The following PCDHA1 variants were observed in gnomAD, a reference collection of about 807,000 sequenced individuals.
The protein encoded by PCDHA1 is protocadherin alpha 1.
A neutral mutation model predicts 61.3 loss-of-function variants in PCDHA1; 42 were observed. The observed-to-expected ratio is 0.69, with a 90% CI of 0.54 to 0.89. PCDHA1 has a LOEUF of 0.89. Among genes scored for constraint, PCDHA1 ranks in the 40% least tolerant of loss-of-function variants. The pLI is 0.00. For missense variants in PCDHA1, 1,256 were observed against 1,235.3 expected (o/e 1.02, Z -0.25); for synonymous variants, 610 against 553.8 (o/e 1.10, Z -1.43).
At chr5:140,826,195 T>A (rs1554130490) in intron 1 of PCDHA1, among the ~76,000 whole-genome samples, 1 of 152,214 alleles carries the variant, frequency 6.6e-6, no homozygotes, top group African/African-American at 2.4e-5. Context: ...AAGTTAACAA[T>A]GGTCACATTT....
chr5:140,857,392 C>T lies in PCDHA1; in HGVS notation c.2394+68708C>T, dbSNP rs142727326. ...TGTCTGTGGAGGTGGCCGACGTGAA[C>T]GACAACGCGCCTGCGTTCGCGCAGT... On this transcript the variant is annotated intron_variant, in intron 1 of 3. Coordinates refer to ENST00000504120, the MANE Select transcript of PCDHA1 (RefSeq NM_018900.4). 2.9e-5 allele frequency: 46 copies of T among 1,598,470 alleles called. 4 individuals are homozygous for T. Among genetic ancestry groups the T allele is most frequent in the Non-Finnish European group, 3.6e-5 (42 of 1,167,894 alleles).
intron 1 of PCDHA1, chr5:140,829,004 C>T (rs2150161840): frequency 4.3e-6 from 7 of 1,613,616 alleles, no homozygotes; most frequent in African/African-American, 4.0e-5. Flanking sequence ...AATAGTGATT[C>T]GGGGTAATTT....
intron 1 of PCDHA1, chr5:140,813,185 C>T (rs2126644563): frequency 6.6e-6 from 1 of 152,272 alleles, no homozygotes; most frequent in Middle Eastern, 3.4e-3. Context: ...AAGTCCTCTG[C>T]TTCCTTGCTG....
intron 1 of PCDHA1, among the ~76,000 whole-genome samples, chr5:140,794,634 T>C (rs1212800486): frequency 6.6e-6 from 1 of 152,230 alleles, no homozygotes; most frequent in Non-Finnish European, 1.5e-5. Context: ...ATGTTGTGTG[T>C]TTTTTAACCA....
intron 1 of PCDHA1, chr5:140,869,798 T>G: frequency 6.2e-7 from 1 of 1,612,730 alleles, no homozygotes; most frequent in Non-Finnish European, 8.5e-7. Context: ...TTAGTCCAAG[T>G]CTTGGATGTC....
At chr5:140,962,312 A>G (rs2095671896) in intron 1 of PCDHA1, among the ~76,000 whole-genome samples, 1 of 152,204 alleles carries the variant, frequency 6.6e-6, no homozygotes, top group African/African-American at 2.4e-5. Context: ...TTGTTAGGCC[A>G]TCTCAATTGA....
At chr5:140,808,805 G>A in intron 1 of PCDHA1, 2 of 1,612,690 alleles carry the variant, frequency 1.2e-6, no homozygotes, top group Non-Finnish European at 1.7e-6. Context: ...CGCTCGCGAT[G>A]CCGGCGTGCC....
intron 1 of PCDHA1, chr5:140,821,928 A>C (rs2150112074): frequency 2.5e-6 from 4 of 1,614,152 alleles, no homozygotes; most frequent in Non-Finnish European, 2.5e-6. Flanking sequence ...CGCAGGACCT[A>C]GGGCTGGAGC....
chr5:140,982,662 T>C (rs1325546785), intron 3 of PCDHA1, 99 bp downstream of exon 3: 4 of 1,476,284 alleles, frequency 2.7e-6, no homozygotes, highest in Admixed American at 2.6e-5. Context: ...CTTTTTCTTT[T>C]ATATTTTTGT....
intron 1 of PCDHA1, among the ~76,000 whole-genome samples, chr5:140,847,067 A>G (rs1780844287): frequency 1.3e-5 from 2 of 149,984 alleles, no homozygotes; most frequent in Admixed American, 1.3e-4. Context: ...AAGCATCAAT[A>G]TGACAAGTAG....
At chr5:140,843,145 G>C in intron 1 of PCDHA1, 1 of 1,596,072 alleles carries the variant, frequency 6.3e-7, no homozygotes, top group South Asian at 1.1e-5. Context: ...CGTGGCTTTC[G>C]TATGAGCTGC....
chr5:140,944,133 G>C (rs1051812384), intron 1 of PCDHA1, among the ~76,000 whole-genome samples: 2 of 152,134 alleles, frequency 1.3e-5, no homozygotes, highest in Non-Finnish European at 2.9e-5. Context: ...AGAAAAGGTT[G>C]AAGATTAGAA....
intron 1 of PCDHA1, among the ~76,000 whole-genome samples, chr5:140,826,033 A>G (rs1314307511): frequency 6.6e-6 from 1 of 152,110 alleles, no homozygotes; most frequent in Non-Finnish European, 1.5e-5. Context: ...TGAATTCCCT[A>G]TTTCTGTTGC....
chr5:140,846,514 A>G (rs1554141354), intron 1 of PCDHA1, among the ~76,000 whole-genome samples: 1 of 147,154 alleles, frequency 6.8e-6, no homozygotes, highest in African/African-American at 2.5e-5. Flanking sequence ...AGCTGGGATT[A>G]CAGGTGCATG....
At chr5:140,843,340 C>T (rs1290060439) in intron 1 of PCDHA1, 3 of 1,595,900 alleles carry the variant, frequency 1.9e-6, no homozygotes, top group African/African-American at 2.7e-5. Context: ...TGGAGAGCGG[C>T]CAGGCTCCAA....
At chr5:140,958,406 G>A (rs576536874) in intron 1 of PCDHA1, among the ~76,000 whole-genome samples, 2 of 152,204 alleles carry the variant, frequency 1.3e-5, no homozygotes, top group African/African-American at 4.8e-5. Context: ...CATTATCACT[G>A]ATGCTTGGAA....
rs138800056 is a variant in PCDHA1 at position 140,842,341 on chromosome 5, T to C, written c.2394+53657T>C. 5.9e-4 allele frequency: 943 copies of C among 1,607,778 alleles called. 5 individuals are homozygous for C. The highest frequency in any genetic ancestry group is 7.8e-4 in the Non-Finnish European group (921 of 1,174,582). ...GTCATTGCACCGTTTTAGTGAGAAT[T>C]TTGGATAAAAATGATAACGTCCCTG... On this transcript the variant is annotated intron_variant, in intron 1 of 3. Transcript: ENST00000504120.
At chr5:140,853,917 C>A (rs2042908511) in intron 1 of PCDHA1, 1 of 942,718 alleles carries the variant, frequency 1.1e-6, no homozygotes, top group Non-Finnish European at 1.3e-6. Flanking sequence ...ACCTGCAATC[C>A]CAACATTTTG....
At chr5:140,834,589 A>C (rs782018607) in intron 1 of PCDHA1, 8 of 1,614,090 alleles carry the variant, frequency 5.0e-6, no homozygotes, top group Non-Finnish European at 6.8e-6. Context: ...GCGGTGTGCA[A>C]ATTCCGTGGG....
Sources: gnomAD v4.1 joint callset for allele counts (sites outside exome capture counted in the v4.1 genomes callset) on GRCh38, gnomAD v4.1.1 for gene constraint, MANE v1.5 for transcripts, NCBI Gene and HGNC (gene_info 2026-07-23, HGNC 2026-07-21) for gene names.